Variants in VDR observed in about 807,000 individuals in gnomAD.
VDR encodes vitamin D3 receptor.
VDR carries 19 observed loss-of-function variants against 39.7 expected under a neutral mutation model. That is an observed-to-expected ratio of 0.48 (90% CI 0.33 to 0.70). The LOEUF (loss-of-function observed/expected upper bound fraction) is 0.70. Among genes scored for constraint, VDR ranks in the 30% least tolerant of loss-of-function variants. The pLI, the probability that VDR is intolerant of heterozygous loss-of-function variation, is 0.02. For missense variants in VDR, 442 were observed against 570.5 expected (o/e 0.77, Z 2.29); for synonymous variants, 242 against 215.8 (o/e 1.12, Z -1.07).
intron 3 of VDR, among the ~76,000 whole-genome samples, chr12:47,872,342 G>A (rs544999480): frequency 1.3e-3 from 195 of 152,340 alleles, no homozygotes; most frequent in Non-Finnish European, 2.0e-3. Context: ...TAAAGGGAAA[G>A]AAGAGAAACT....
At chr12:47,867,409 TTGTGTGTGTG>T (rs10559544) in intron 3 of VDR, among the ~76,000 whole-genome samples, 8 of 150,936 alleles carry the variant, frequency 5.3e-5, no homozygotes, top group African/African-American at 1.7e-4. Flanking sequence ...CCTATGTAAG[TTGTGTGTGTG>T]TGTGTGTGTG....
intron 3 of VDR, among the ~76,000 whole-genome samples, chr12:47,878,450 G>C (rs1002963713): frequency 6.6e-6 from 1 of 152,178 alleles, no homozygotes; most frequent in Admixed American, 6.5e-5. Flanking sequence ...ATGTTCCAAG[G>C]TTGGCTTTCA....
intron 4 of VDR, among the ~76,000 whole-genome samples, chr12:47,859,586 T>G (rs1360507310): frequency 6.6e-6 from 1 of 152,238 alleles, no homozygotes; most frequent in Non-Finnish European, 1.5e-5. Context: ...AAGCATTTCT[T>G]GATTGCCCTG....
chr12:47,885,963 A>T (rs1332336443), intron 1 of VDR, among the ~76,000 whole-genome samples: 1 of 152,242 alleles, frequency 6.6e-6, no homozygotes, highest in Admixed American at 6.5e-5. Context: ...TCAGATGCCA[A>T]TGAGCAGGAA....
Position 47,865,135 on chromosome 12 carries a change from G to A in VDR, c.189C>T (p.Asn63=), listed in dbSNP as rs149647901. 1.4e-5 allele frequency: 23 copies of A among 1,613,542 alleles called. No individual in the cohort carries two copies. The highest frequency in any genetic ancestry group is 1.3e-4 in the African/African-American group (10 of 74,940). The stretch of plus-strand genomic sequence containing the variant: ...TGTCCTTGGTGATGCGGCAGTCCCC[G>A]TTGAAGGGGCAGGTGAATAGTGCCT... ...KRKALFTCPF[N]GDCRITKDNR... Residue 63 remains asparagine (N), a synonymous_variant, in exon 4 of 10, where the codon AAC becomes AAT. Coordinates refer to ENST00000549336, the MANE Select transcript of VDR (RefSeq NM_000376.3).
In VDR at chr12:47,855,566, A is replaced by G. The variant is rs1000241434; in HGVS notation, c.755+64T>C. 4 of 1,587,704 alleles carry G rather than the reference A, an allele frequency of 2.5e-6. No individual in the cohort carries two copies. The African/African-American group carries it at 4.0e-5, about 16-fold the overall frequency. On this transcript the variant is annotated intron_variant, in intron 7 of 9. Transcript: ENST00000549336. ...AGAAGTGGTGGATGAGTGATCTCCA[A>G]CCCTTCTTGTAGCTCAGTCTAGGAC...
intron 7 of VDR, 134 bp downstream of exon 7, chr12:47,855,496 C>A (rs556142295): frequency 1.9e-6 from 2 of 1,070,762 alleles, no homozygotes; most frequent in Non-Finnish European, 2.7e-6. Flanking sequence ...CTCCAGCCTG[C>A]GTGACAGAGC....
chr12:47,879,048 C>G lies in VDR; in HGVS notation c.66G>C (p.Arg22=). ...DPGDFDRNVP[R]ICGVCGDRAT... Reference sequence around the variant, plus strand: ...CTCGGTCTCCACACACCCCACAGATCCGGGGCACGTTCCGGTCAAAGTCTC... The same window carrying G: ...CTCGGTCTCCACACACCCCACAGATGCGGGGCACGTTCCGGTCAAAGTCTC... Residue 22 remains arginine, a synonymous_variant, in exon 3 of 10, where the codon CGG becomes CGC. Transcript: ENST00000549336. 6.2e-7 allele frequency: 1 copy of G among 1,614,210 alleles called. No homozygotes were observed. The highest frequency in any genetic ancestry group is 8.5e-7 in the Non-Finnish European group (1 of 1,180,028).
intron 1 of VDR, among the ~76,000 whole-genome samples, chr12:47,892,173 A>G (rs1031961943): frequency 6.6e-6 from 1 of 152,216 alleles, no homozygotes; most frequent in Non-Finnish European, 1.5e-5. Context: ...AAGGATCCCC[A>G]GGGTCCTCTG....
intron 1 of VDR, among the ~76,000 whole-genome samples, chr12:47,902,644 T>C (rs989844512): frequency 6.6e-6 from 1 of 152,230 alleles, no homozygotes; most frequent in Non-Finnish European, 1.5e-5. Flanking sequence ...CCAAATGTCA[T>C]CTAGGTGGTC....
chr12:47,880,283 G>A (rs1946119923), intron 2 of VDR, among the ~76,000 whole-genome samples: 1 of 152,272 alleles, frequency 6.6e-6, no homozygotes, highest in Non-Finnish European at 1.5e-5. Flanking sequence ...TTGGGTGACA[G>A]AGGCAGATTC....
chr12:47,857,868 G>C (rs1442053051), intron 4 of VDR, among the ~76,000 whole-genome samples, 180 bp from the exon 5 acceptor site: 3 of 152,160 alleles, frequency 2.0e-5, no homozygotes, highest in African/African-American at 4.8e-5. Context: ...GGTTTGCTAT[G>C]GTGAAAAGGA....
At chr12:47,899,374 AG>A (rs1340802727) in intron 1 of VDR, among the ~76,000 whole-genome samples, 1 of 152,252 alleles carries the variant, frequency 6.6e-6, no homozygotes, top group Non-Finnish European at 1.5e-5. Context: ...ACTGTGTGCC[AG>A]GCACTTGACT....
chr12:47,873,542 TA>T (rs1379348466), intron 3 of VDR, among the ~76,000 whole-genome samples: 77 of 150,924 alleles, frequency 5.1e-4, no homozygotes, highest in African/African-American at 1.8e-3. Flanking sequence ...TTTGTATTTT[TA>T]GTAGAGACGG....
chr12:47,852,156 C>T (rs1310340981), intron 7 of VDR, among the ~76,000 whole-genome samples: 4 of 152,148 alleles, frequency 2.6e-5, no homozygotes, highest in Admixed American at 6.5e-5. Flanking sequence ...GCAGCTTTCC[C>T]GTGTATGCAA....
chr12:47,883,058 T>G, intron 1 of VDR: 1 of 383,548 alleles, frequency 2.6e-6, no homozygotes, highest in Non-Finnish European at 4.7e-6. Context: ...GGAAACAGCC[T>G]CCCGCCTAGG....
At chr12:47,904,675 C>T (rs1946636166) in intron 1 of VDR, 6 of 1,523,602 alleles carry the variant, frequency 3.9e-6, no homozygotes, top group Non-Finnish European at 3.5e-6. Flanking sequence ...CTTCTTGTTG[C>T]CCAAGTGCTA....
chr12:47,844,730 C>T lies in VDR; in HGVS notation c.*16G>A, dbSNP rs371654262. 1.6e-5 allele frequency: 26 copies of T among 1,613,708 alleles called. No individual in the cohort carries two copies. Among genetic ancestry groups the T allele is most frequent in the Admixed American group, 3.3e-5 (2 of 59,986 alleles). On this transcript the variant is annotated 3_prime_UTR_variant, in exon 10 of 10. Coordinates refer to ENST00000549336, the MANE Select transcript of VDR (RefSeq NM_000376.3). ...GAGGAGCAGCCCCACCCAGGCACCGCCACAGGCTGTCCTAGTCAGGAGATC... is the reference window on the plus strand; with the variant it reads ...GAGGAGCAGCCCCACCCAGGCACCGTCACAGGCTGTCCTAGTCAGGAGATC...
chr12:47,880,692 A>G (rs1030445441), intron 2 of VDR, among the ~76,000 whole-genome samples: 3 of 152,022 alleles, frequency 2.0e-5, no homozygotes, highest in African/African-American at 4.8e-5. Context: ...GGTTGGTGCA[A>G]AAGTAATTGT....
Sources: gnomAD v4.1 joint callset for allele counts (sites outside exome capture counted in the v4.1 genomes callset) on GRCh38, gnomAD v4.1.1 for gene constraint, MANE v1.5 for transcripts, NCBI Gene and HGNC (gene_info 2026-07-23, HGNC 2026-07-21) for gene names.